The following NAV3 variants were observed in gnomAD, a reference collection of about 807,000 sequenced individuals.
The protein encoded by NAV3 is pore membrane and/or filament interacting like protein 1.
NAV3 carries 87 observed loss-of-function variants against 244.7 expected under a neutral mutation model. The ratio of observed to expected loss-of-function variants is 0.36; its 90% CI spans 0.30 to 0.42. The LOEUF is 0.42. Among genes scored for constraint, NAV3 ranks in the 20% least tolerant of loss-of-function variants. The pLI is 1.00. For missense variants in NAV3, 2,663 were observed against 2,893.3 expected (o/e 0.92, Z 1.83); for synonymous variants, 1,126 against 1,042.2 (o/e 1.08, Z -1.55).
intron 12 of NAV3, 132 bp from the exon 13 acceptor site, chr12:78,116,640 T>A: frequency 2.0e-6 from 2 of 1,001,680 alleles, no homozygotes; most frequent in Non-Finnish European, 2.7e-6. Flanking sequence ...AAATGTGAAA[T>A]AAGTGACTTT....
chr12:77,841,795 C>T lies in NAV3; in HGVS notation c.243+10091C>T, dbSNP rs1233878913. Reference sequence around the variant, plus strand: ...GGTAACAAAGAAACTAGGTTCCCTCCAGTATATGGTTTCATCATCTCACCT... The same window carrying T: ...GGTAACAAAGAAACTAGGTTCCCTCTAGTATATGGTTTCATCATCTCACCT... On this transcript the variant is annotated intron_variant, in intron 1 of 39. Coordinates refer to ENST00000397909, the MANE Select transcript of NAV3 (RefSeq NM_001024383.2). Among the ~76,000 whole-genome samples, 5 of 152,066 alleles carry T rather than the reference C, an allele frequency of 3.3e-5. No homozygotes were observed. The East Asian group carries it at 7.7e-4, about 23-fold the overall frequency.
At chr12:77,813,664 C>A (rs1872400141) in intron 2 of NAV3, among the ~76,000 whole-genome samples, 2 of 152,036 alleles carry the variant, frequency 1.3e-5, no homozygotes, top group Admixed American at 6.6e-5. Flanking sequence ...GGGCTTAGGG[C>A]AAACAGAATA....
Position 77,696,912 on chromosome 12 carries a change from A to G in NAV3, c.72+124646A>G, listed in dbSNP as rs556074348. Among the ~76,000 whole-genome samples the G allele has an allele frequency of 1.5e-3, 227 of 152,256 alleles. 2 individuals are homozygous for G. Among genetic ancestry groups the G allele is most frequent in the Non-Finnish European group, 2.0e-3 (139 of 68,022 alleles). ...AATTATTTCCATCTACTGCCAGTTC[A>G]AAATCTTACGCTTCTATAGCAGTAC... is the stretch of plus-strand genomic sequence containing the variant. On this transcript the variant is annotated intron_variant, in intron 2 of 8. Coordinates refer to the NAV3 transcript ENST00000550042.
chr12:78,005,696 CCATACA>C lies in NAV3; in HGVS notation c.881-721_881-716del, dbSNP rs567162517. 5.1e-3 allele frequency among the ~76,000 whole-genome samples: 781 copies of C among 152,264 alleles called. 6 individuals carry two copies. Among genetic ancestry groups the C allele is most frequent in the African/African-American group, 0.018 (728 of 41,544 alleles). The stretch of plus-strand genomic sequence containing the variant: ...GATGTGGGGTCAAAGCCTAGCTCCA[CCATACA>C]CTCCTCATTAGATACCTAAATCATT... On this transcript the variant is annotated intron_variant, in intron 7 of 39. Transcript: ENST00000397909.
At chr12:78,003,877 A>T (rs1234847702) in intron 7 of NAV3, among the ~76,000 whole-genome samples, 2 of 152,242 alleles carry the variant, frequency 1.3e-5, no homozygotes, top group Non-Finnish European at 2.9e-5. Flanking sequence ...CTAAAGAAGA[A>T]GGTATATAAT....
intron 12 of NAV3, 132 bp downstream of exon 12, chr12:78,059,247 GATAA>G: frequency 2.4e-6 from 2 of 844,676 alleles, no homozygotes; most frequent in Non-Finnish European, 1.7e-6. Flanking sequence ...ATTTTATTTT[GATAA>G]ATAATTATTT....
chr12:77,768,837 A>G (rs1320785465), intron 2 of NAV3, among the ~76,000 whole-genome samples: 1 of 151,926 alleles, frequency 6.6e-6, no homozygotes. Context: ...CCCTGGCAGC[A>G]CCTCCCCTAC....
At chr12:77,756,103 A>G (rs895106034) in intron 2 of NAV3, among the ~76,000 whole-genome samples, 4 of 152,200 alleles carry the variant, frequency 2.6e-5, no homozygotes, top group African/African-American at 9.7e-5. Flanking sequence ...TAAAGATAAT[A>G]AAAGTATCAT....
At chr12:78,014,663 A>G (rs952079245) in intron 8 of NAV3, among the ~76,000 whole-genome samples, 3 of 152,234 alleles carry the variant, frequency 2.0e-5, no homozygotes, top group Admixed American at 1.3e-4. Flanking sequence ...GAGAATGCAA[A>G]ACATTAGTTT....
In NAV3 at chr12:77,994,564, G is replaced by C. The variant is rs1165156535; in HGVS notation, c.672-239G>C. 2.8e-5 allele frequency among the ~76,000 whole-genome samples: 3 copies of C among 105,434 alleles called. No individual in the cohort carries two copies. The East Asian group carries it at 8.3e-4, about 29-fold the overall frequency. 69.2% of individuals were successfully genotyped at this position (105,434 alleles called of 152,430 possible). A position where few individuals can be genotyped will look rare whatever the true frequency, so the allele number is the denominator to read the frequency against. ...AATATTACATGGCCATAATTGTAAA[G>C]TCAGTGATAACACATTTTATGACAA... is the stretch of plus-strand genomic sequence containing the variant. On this transcript the variant is annotated intron_variant, in intron 5 of 39. Transcript: ENST00000397909.
At chr12:77,767,511 A>G (rs1869836837) in intron 2 of NAV3, among the ~76,000 whole-genome samples, 1 of 152,138 alleles carries the variant, frequency 6.6e-6, no homozygotes. Flanking sequence ...CCAGGGATGG[A>G]GTGGCAAGGG....
intron 2 of NAV3, among the ~76,000 whole-genome samples, chr12:77,685,133 C>T (rs960784511): frequency 2.6e-5 from 4 of 152,090 alleles, no homozygotes; most frequent in Non-Finnish European, 5.9e-5. Context: ...GCTTTGAGTA[C>T]TTACATGAAA....
intron 1 of NAV3, among the ~76,000 whole-genome samples, chr12:77,887,439 G>A (rs566292510): frequency 1.4e-4 from 21 of 152,172 alleles, no homozygotes; most frequent in African/African-American, 4.6e-4. Context: ...GGGAAAGATC[G>A]TGACAATATG....
Position 78,085,071 on chromosome 12 carries a change from A to G in NAV3, c.2636+25956A>G, listed in dbSNP as rs1275069028. Among the ~76,000 whole-genome samples the G allele has an allele frequency of 2.0e-5, 3 of 152,286 alleles. No individual in the cohort carries two copies. In the East Asian group the frequency reaches 5.8e-4, roughly 29 times the overall value. On this transcript the variant is annotated intron_variant, in intron 12 of 39. Coordinates refer to ENST00000397909, the MANE Select transcript of NAV3 (RefSeq NM_001024383.2). ...ACATAATTAGATTGTGTTCCTATAA[A>G]AATAAAGTATAGAAGATATATTTTA...
Position 77,588,366 on chromosome 12 carries a change from G to A in NAV3, c.72+16100G>A, listed in dbSNP as rs562208433. Among the ~76,000 whole-genome samples, 7 of 152,026 alleles carry A rather than the reference G, an allele frequency of 4.6e-5. 1 individual carries two copies. In the South Asian group the frequency reaches 1.5e-3, roughly 32 times the overall value. On this transcript the variant is annotated intron_variant, in intron 2 of 8. Transcript: ENST00000550042. ...ACTCCTGAGCTCAAGTGATCATCCT[G>A]CCTTGGCCTCCTAAAGTGCTGGGAT...
chr12:78,204,643 A>G (rs924246541), intron 38 of NAV3, among the ~76,000 whole-genome samples: 1 of 151,982 alleles, frequency 6.6e-6, no homozygotes, highest in Non-Finnish European at 1.5e-5. Flanking sequence ...TTACTAGTAA[A>G]TGTGGGCAGT....
intron 2 of NAV3, among the ~76,000 whole-genome samples, chr12:77,694,731 C>T (rs965422466): frequency 2.0e-5 from 3 of 152,094 alleles, no homozygotes; most frequent in Admixed American, 2.0e-4. Context: ...CTATTGTGAA[C>T]AATGTCAAGA....
At chr12:77,655,329 T>C (rs1327879938) in intron 2 of NAV3, among the ~76,000 whole-genome samples, 1 of 152,090 alleles carries the variant, frequency 6.6e-6, no homozygotes, top group Non-Finnish European at 1.5e-5. Context: ...TAGGAGCCGA[T>C]GCAATCAACT....
chr12:77,634,339 G>C (rs1370963743), intron 2 of NAV3, among the ~76,000 whole-genome samples: 1 of 152,100 alleles, frequency 6.6e-6, no homozygotes, highest in African/African-American at 2.4e-5. Flanking sequence ...GATTTAAGCA[G>C]TTCATCTTAA....
Sources: gnomAD v4.1 joint callset for allele counts (sites outside exome capture counted in the v4.1 genomes callset) on GRCh38, gnomAD v4.1.1 for gene constraint, MANE v1.5 for transcripts, NCBI Gene and HGNC (gene_info 2026-07-23, HGNC 2026-07-21) for gene names.